The following ORC4 variants were observed in gnomAD, a reference collection of about 807,000 sequenced individuals.
The protein encoded by ORC4 is origin recognition complex, subunit 4 homolog.
Under a neutral mutation model 63.9 loss-of-function variants are expected in ORC4, and 55 were observed. That is an observed-to-expected ratio of 0.86 (90% CI 0.69 to 1.08). ORC4 has a LOEUF of 1.08. Ranked by LOEUF, ORC4 falls within the 50% of genes least tolerant of loss-of-function variation. The pLI is 0.00. For missense variants in ORC4, 511 were observed against 504.4 expected (o/e 1.01, Z -0.13); for synonymous variants, 150 against 168.5 (o/e 0.89, Z 0.85).
intron 2 of ORC4, among the ~76,000 whole-genome samples, chr2:147,975,600 A>T (rs1033280974): frequency 6.6e-6 from 1 of 152,158 alleles, no homozygotes; most frequent in South Asian, 2.1e-4. Flanking sequence ...AAATTACAGT[A>T]TAAAACACTA....
intron 4 of ORC4, among the ~76,000 whole-genome samples, chr2:147,959,715 T>C (rs536399507): frequency 6.6e-6 from 1 of 152,040 alleles, no homozygotes; most frequent in East Asian, 1.9e-4. Flanking sequence ...ACAACAAAAA[T>C]AAAAAAAATT....
chr2:147,948,064 T>C lies in ORC4; in HGVS notation c.749A>G (p.Asn250Ser). ...CTTTTAAGATACCTGAACATTTTCA[T>C]TCCACTTCTCAGCAAAAACCTTGTC... ...FPDKVFAEKW[N>S]ENVQYLSEDR... The change falls in exon 9 of 14, where the codon AAT becomes AGT. Residue 250 changes from asparagine to serine, a missense_variant. Asn to Ser is a conservative substitution (Grantham distance 46). Coordinates refer to ENST00000392857, the MANE Select transcript of ORC4 (RefSeq NM_181741.4). 1 of 1,611,452 alleles carries C rather than the reference T, an allele frequency of 6.2e-7. No individual in the cohort carries two copies.
chr2:147,960,738 C>G (rs1019478195), intron 4 of ORC4, among the ~76,000 whole-genome samples: 1 of 152,106 alleles, frequency 6.6e-6, no homozygotes, highest in Non-Finnish European at 1.5e-5. Context: ...AGAGCATTTT[C>G]TAAGGGTCGG....
At chr2:148,013,181 C>G (rs1573903508) in intron 1 of ORC4, among the ~76,000 whole-genome samples, 2 of 152,036 alleles carry the variant, frequency 1.3e-5, no homozygotes, top group South Asian at 4.1e-4. Context: ...TGGAATCAAC[C>G]TAACTGTCAA....
intron 4 of ORC4, among the ~76,000 whole-genome samples, chr2:147,963,504 G>A (rs1689726200): frequency 6.6e-6 from 1 of 152,050 alleles, no homozygotes; most frequent in South Asian, 2.1e-4. Context: ...CAGCAGATAC[G>A]GCCCTAAGCC....
intron 1 of ORC4, 42 bp from the exon 2 acceptor site, chr2:147,976,017 A>G: frequency 1.0e-6 from 1 of 952,646 alleles, no homozygotes. Flanking sequence ...GTAGTGACTT[A>G]AAGAGATTAC....
chr2:148,013,322 T>C (rs1693085742), intron 1 of ORC4, among the ~76,000 whole-genome samples: 1 of 152,154 alleles, frequency 6.6e-6, no homozygotes, highest in South Asian at 2.1e-4. Flanking sequence ...AAGCCAGGCA[T>C]AGAAAGACAA....
intron 1 of ORC4, among the ~76,000 whole-genome samples, chr2:147,996,273 A>C (rs1691967689): frequency 6.6e-6 from 1 of 152,178 alleles, no homozygotes; most frequent in Non-Finnish European, 1.5e-5. Context: ...CACTGCACTC[A>C]AGCCTGGTGA....
intron 1 of ORC4, among the ~76,000 whole-genome samples, chr2:147,981,376 C>G (rs909607574): frequency 6.6e-6 from 1 of 152,208 alleles, no homozygotes; most frequent in African/African-American, 2.4e-5. Flanking sequence ...AAGATTTCAT[C>G]ACATTACTCA....
rs114710451 is a variant in ORC4, at chr2:147,930,605, A to G, written c.*4905T>C. The G allele has an allele frequency of 3.0e-4, 45 of 152,490 alleles. No individual in the cohort carries two copies. Among genetic ancestry groups the G allele is most frequent in the African/African-American group, 1.1e-3 (44 of 41,512 alleles). The allele number at this position is 152,490 out of a possible 1,614,324, so 9.4% of individuals were successfully genotyped here. ...ATTTGTTACCTCTCAGAATATTGGT[A>G]AGCAGTTATTTTCGCTTTACTCTGT... On this transcript the variant is annotated 3_prime_UTR_variant, in exon 14 of 14. Coordinates refer to ENST00000392857, the MANE Select transcript of ORC4 (RefSeq NM_181741.4).
intron 6 of ORC4, among the ~76,000 whole-genome samples, chr2:147,958,057 C>T (rs1480469083): frequency 1.3e-5 from 2 of 152,098 alleles, no homozygotes; most frequent in East Asian, 1.9e-4. Flanking sequence ...AGAATATCTA[C>T]ATAAACTTGG....
rs749290987 is a variant in ORC4, at chr2:147,975,992, A to G, written c.-17-17T>C. On this transcript the variant is annotated splice_polypyrimidine_tract_variant and intron_variant, in intron 1 of 13. Transcript: ENST00000392857. The stretch of plus-strand genomic sequence containing the variant: ...ATTCAAATCCTTTAAAAAAATTGGC[A>G]TAAATATTATAAACGTAGTGACTTA... 2.6e-6 allele frequency: 3 copies of G among 1,165,290 alleles called. No individual in the cohort carries two copies. Among genetic ancestry groups the G allele is most frequent in the Non-Finnish European group, 3.9e-6 (3 of 771,282 alleles). 72.2% of individuals were successfully genotyped at this position (1,165,290 alleles called of 1,614,324 possible). A position where few individuals can be genotyped will look rare whatever the true frequency, so the allele number is the denominator to read the frequency against.
At chr2:147,964,529 A>G (rs1478972123) in intron 4 of ORC4, among the ~76,000 whole-genome samples, 1 of 152,208 alleles carries the variant, frequency 6.6e-6, no homozygotes, top group Admixed American at 6.5e-5. Context: ...ATATTTAATA[A>G]AACCATAGTT....
Position 147,997,828 on chromosome 2 carries a change from C to G in ORC4, c.-17-21853G>C, listed in dbSNP as rs967810521. On this transcript the variant is annotated intron_variant, in intron 1 of 13. Coordinates refer to ENST00000392857, the MANE Select transcript of ORC4 (RefSeq NM_181741.4). ...CATTTAAATCAAATCTTGTACTTTA[C>G]AATTTGAATATATAAATTTCTAAGT... Among the ~76,000 whole-genome samples the G allele has an allele frequency of 2.0e-5, 3 of 152,082 alleles. No homozygotes were observed. The East Asian group carries it at 5.8e-4, about 29-fold the overall frequency.
Position 147,952,541 on chromosome 2 carries a change from G to C in ORC4, c.437-17C>G. The stretch of plus-strand genomic sequence containing the variant: ...TTCGGTCACCTAAGATAAAATAAGA[G>C]CATTACATTAATAAGAAATTATATC... On this transcript the variant is annotated splice_polypyrimidine_tract_variant and intron_variant, in intron 7 of 13. Transcript: ENST00000392857. 1.3e-6 allele frequency: 2 copies of C among 1,571,936 alleles called. No homozygotes were observed. Among genetic ancestry groups the C allele is most frequent in the Non-Finnish European group, 1.8e-6 (2 of 1,141,918 alleles).
In ORC4 at chr2:147,939,220, G is replaced by C. The variant is rs144397680; in HGVS notation, c.878C>G (p.Ser293Trp). The C allele has an allele frequency of 4.3e-6, 7 of 1,612,066 alleles. No individual in the cohort carries two copies. Among genetic ancestry groups the C allele is most frequent in the Non-Finnish European group, 5.9e-6 (7 of 1,178,364 alleles). ...LMLALNRVTA[S>W]HPFMTAVDLM... ...ATCTACGGCAGTCATAAATGGGTGC[G>C]ATGCTGTTACTCGATTTAAAGCAAG... The change falls in exon 11 of 14, where the codon TCG becomes TGG. Residue 293 changes from serine (S) to tryptophan (W), a missense_variant. Ser to Trp is a radical substitution (Grantham distance 177). Coordinates refer to ENST00000392857, the MANE Select transcript of ORC4 (RefSeq NM_181741.4).
chr2:147,939,253 G>A lies in ORC4; in HGVS notation c.850-5C>T. ...TACTCGATTTAAAGCAAGCATCTAG[G>A]GAAAGACAGATCAGAAAAACAATTA... On this transcript the variant is annotated splice_polypyrimidine_tract_variant and splice_region_variant and intron_variant, in intron 10 of 13. Transcript: ENST00000392857. 5.1e-6 allele frequency: 8 copies of A among 1,582,218 alleles called. No individual in the cohort carries two copies. The highest frequency in any genetic ancestry group is 6.9e-6 in the Non-Finnish European group (8 of 1,151,370).
intron 4 of ORC4, among the ~76,000 whole-genome samples, chr2:147,967,120 C>T (rs1032607718): frequency 2.6e-5 from 4 of 151,640 alleles, no homozygotes; most frequent in African/African-American, 7.3e-5. Flanking sequence ...GAAAAAAACA[C>T]GTGATAAAAT....
Position 147,955,384 on chromosome 2 carries a change from A to G in ORC4, c.399T>C (p.Ala133=), listed in dbSNP as rs1426521756. ...VVGDKVFGSF[A]ENLSFLLEAL... is the part of the protein sequence containing the mutation. ...CTTCCAGAAGAAATGAAAGGTTTTC[A>G]GCAAAGCTTCCCTGAACAACAAAAT... Residue 133 remains alanine, a synonymous_variant, in exon 7 of 14, where the codon GCT becomes GCC. Coordinates refer to ENST00000392857, the MANE Select transcript of ORC4 (RefSeq NM_181741.4). 2 of 1,604,854 alleles carry G rather than the reference A, an allele frequency of 1.2e-6. No individual in the cohort carries two copies. The highest frequency in any genetic ancestry group is 4.5e-5 in the East Asian group (2 of 44,580).
Sources: allele counts gnomAD v4.1 joint callset (sites outside exome capture counted in the v4.1 genomes callset), GRCh38; gene constraint gnomAD v4.1.1; transcripts MANE v1.5; gene names NCBI Gene and HGNC (gene_info 2026-07-23, HGNC 2026-07-21).